Variants in TRIP12 observed in about 807,000 individuals in gnomAD.
TRIP12 encodes the protein E3 ubiquitin-protein ligase TRIP12.
TRIP12 carries 25 observed loss-of-function variants against 244.2 expected under a neutral mutation model. The observed-to-expected ratio is 0.10, with a 90% confidence interval of 0.07 to 0.14. TRIP12 has a LOEUF of 0.14. TRIP12 is among the 10% of genes least tolerant of loss of function. The pLI is 1.00. For synonymous variants in TRIP12, 905 were observed against 873.1 expected (o/e 1.04, Z -0.64); for missense variants, 1,677 against 2,486.4 (o/e 0.67, Z 6.92).
At position 229,792,232 on chromosome 2, in the gene TRIP12, G is replaced by A. The variant is rs759455333; in HGVS notation, c.4142-6C>T. ...TTCTCTTACTCTTCCATACCCTGAA[G>A]ACCCAAGTAGACTTTTAAACTCTTA... is the stretch of plus-strand genomic sequence containing the variant. On this transcript the variant is annotated splice_polypyrimidine_tract_variant and splice_region_variant and intron_variant, in intron 27 of 41. Coordinates refer to ENST00000675903, the MANE Select transcript of TRIP12 (RefSeq NM_001348323.3). 6 of 1,612,072 alleles carry A rather than the reference G, an allele frequency of 3.7e-6. No individual in the cohort carries two copies. In the South Asian group the frequency reaches 6.6e-5, roughly 18 times the overall value.
chr2:229,849,935 C>CAA (rs34774134), intron 4 of TRIP12, among the ~76,000 whole-genome samples: 28,223 of 143,642 alleles, frequency 0.2, 2,931 homozygotes, highest in East Asian at 0.28. Flanking sequence ...TAATACACAC[C>CAA]AAAAAAAAAA....
intron 21 of TRIP12, among the ~76,000 whole-genome samples, chr2:229,800,383 CA>C (rs2043967099): frequency 6.6e-6 from 1 of 151,668 alleles, no homozygotes; most frequent in Admixed American, 6.6e-5. Flanking sequence ...TTTAGAATAA[CA>C]AAACTAAATA....
chr2:229,905,194 A>C (rs1259983067), intron 1 of TRIP12, among the ~76,000 whole-genome samples: 3 of 152,048 alleles, frequency 2.0e-5, no homozygotes, highest in Admixed American at 6.6e-5. Context: ...GAATCGCCTG[A>C]ACCTGGGAGG....
intron 16 of TRIP12, 108 bp from the exon 17 acceptor site, chr2:229,807,972 A>T (rs1575306227): frequency 8.5e-5 from 88 of 1,030,966 alleles, no homozygotes; most frequent in East Asian, 2.0e-4. Flanking sequence ...ATTTAGACCA[A>T]TTTTTTTTTT....
In TRIP12 at chr2:229,770,216, A is replaced by C. The variant is rs77353562; in HGVS notation, c.5809-891T>G. On this transcript the variant is annotated intron_variant, in intron 39 of 41. Coordinates refer to ENST00000675903, the MANE Select transcript of TRIP12 (RefSeq NM_001348323.3). Reference sequence around the variant, plus strand: ...ATTTCCGAGCTCAAGTGATCTTCCCACCTCCATCTCCCAAAGTGCTGGGAT... The same window carrying C: ...ATTTCCGAGCTCAAGTGATCTTCCCCCCTCCATCTCCCAAAGTGCTGGGAT... 6.5e-3 allele frequency among the ~76,000 whole-genome samples: 989 copies of C among 152,062 alleles called. 10 individuals are homozygous for C. Among genetic ancestry groups the C allele is most frequent in the Middle Eastern group, 0.017 (5 of 294 alleles).
At chr2:229,915,823 A>G (rs1479963910) in intron 1 of TRIP12, among the ~76,000 whole-genome samples, 1 of 152,022 alleles carries the variant, frequency 6.6e-6, no homozygotes, top group Non-Finnish European at 1.5e-5. Context: ...CCTCCCAGGT[A>G]GCTGAAGACT....
intron 2 of TRIP12, among the ~76,000 whole-genome samples, chr2:229,877,817 G>A (rs2063909239): frequency 6.6e-6 from 1 of 152,146 alleles, no homozygotes; most frequent in African/African-American, 2.4e-5. Flanking sequence ...AACAGCACAC[G>A]TTATAAGTGT....
rs1559544535 is a variant in TRIP12 at position 229,808,333 on chromosome 2, G to GCAC, written c.2255_2257dup (p.Gly752dup). 1.2e-6 allele frequency: 2 copies of GCAC among 1,613,454 alleles called. No individual in the cohort carries two copies. Among genetic ancestry groups the GCAC allele is most frequent in the Admixed American group, 3.3e-5 (2 of 60,000 alleles). Reference sequence around the variant, plus strand: ...CTGTTCCTGACAACTTCCATTGGAGGCACCACACAGGAGAAAGTGAAGCGT... The same window carrying GCAC: ...CTGTTCCTGACAACTTCCATTGGAGGCACCACCACACAGGAGAAAGTGAAGCGT... On this transcript the variant is annotated inframe_insertion, in exon 16 of 42. Transcript: ENST00000675903.
At chr2:229,896,132 G>C (rs2068751285) in intron 1 of TRIP12, among the ~76,000 whole-genome samples, 1 of 152,058 alleles carries the variant, frequency 6.6e-6, no homozygotes, top group Admixed American at 6.5e-5. Context: ...CACCTTTACA[G>C]CTAAATGTAA....
intron 1 of TRIP12, among the ~76,000 whole-genome samples, chr2:229,899,000 C>T (rs1249680264): frequency 1.3e-5 from 2 of 152,186 alleles, no homozygotes; most frequent in African/African-American, 2.4e-5. Context: ...GCTGAATACA[C>T]TAAAAGTCAT....
chr2:229,807,956 A>T (rs991244621), intron 16 of TRIP12, 92 bp from the exon 17 acceptor site: 1 of 1,370,640 alleles, frequency 7.3e-7, no homozygotes, highest in African/African-American at 1.5e-5. Context: ...ACAAACCAAA[A>T]GTTGTATTTA....
At chr2:229,792,507 T>C (rs562372430) in intron 27 of TRIP12, among the ~76,000 whole-genome samples, 1 of 152,338 alleles carries the variant, frequency 6.6e-6, no homozygotes, top group East Asian at 1.9e-4. Flanking sequence ...TATACAGTAT[T>C]TTCAATAATT....
In TRIP12 at chr2:229,893,493, AT is replaced by A. The variant is rs11420266; in HGVS notation, c.-49-13366del. 6.8e-4 allele frequency among the ~76,000 whole-genome samples: 101 copies of A among 148,516 alleles called. 1 individual carries two copies. Among genetic ancestry groups the A allele is most frequent in the South Asian group, 8.5e-4 (4 of 4,686 alleles). Reference sequence around the variant, plus strand: ...TCCCAACTCTGCAACTACTGTTCTAATTTTTTTTTTTTTACCATTGTCTTGC... The same window carrying A: ...TCCCAACTCTGCAACTACTGTTCTAATTTTTTTTTTTTACCATTGTCTTGC... On this transcript the variant is annotated intron_variant, in intron 1 of 41. Coordinates refer to ENST00000675903, the MANE Select transcript of TRIP12 (RefSeq NM_001348323.3).
intron 1 of TRIP12, among the ~76,000 whole-genome samples, chr2:229,909,396 A>C (rs1201927817): frequency 6.6e-6 from 1 of 151,672 alleles, no homozygotes; most frequent in Non-Finnish European, 1.5e-5. Context: ...CACAAAAAAA[A>C]AAAATTAAAA....
intron 1 of TRIP12, among the ~76,000 whole-genome samples, chr2:229,903,022 T>TTC (rs2071518422): frequency 6.7e-6 from 1 of 148,568 alleles, no homozygotes; most frequent in African/African-American, 2.5e-5. Context: ...TTTTTTCTTT[T>TTC]TTTTTTTTTT....
intron 4 of TRIP12, among the ~76,000 whole-genome samples, chr2:229,841,598 A>C (rs1157737525): frequency 1.3e-5 from 2 of 152,218 alleles, no homozygotes; most frequent in Non-Finnish European, 2.9e-5. Context: ...CCAAGACAGC[A>C]TCCACCCTTG....
chr2:229,922,512 A>C (rs1231604187), upstream of TRIP12: 1 of 1,613,934 alleles, frequency 6.2e-7, no homozygotes, highest in Admixed American at 1.7e-5. Context: ...TGGCGTCCCA[A>C]GATGGCGTCG....
intron 1 of TRIP12, among the ~76,000 whole-genome samples, chr2:229,918,412 CT>C (rs1264697685): frequency 1.3e-5 from 2 of 152,194 alleles, no homozygotes; most frequent in Non-Finnish European, 2.9e-5. Context: ...TACCCATCCA[CT>C]TAAAAGGGGG....
At position 229,898,492 on chromosome 2, in the gene TRIP12, G is replaced by A. The variant is rs575155918; in HGVS notation, c.-49-18364C>T. Reference sequence around the variant, plus strand: ...AAAGGAAATTCATCTATGCTCAAGCGTCTAAGGATTAGAATTAGAACTCCA... The same window carrying A: ...AAAGGAAATTCATCTATGCTCAAGCATCTAAGGATTAGAATTAGAACTCCA... On this transcript the variant is annotated intron_variant, in intron 1 of 41. Coordinates refer to ENST00000675903, the MANE Select transcript of TRIP12 (RefSeq NM_001348323.3). Among the ~76,000 whole-genome samples the A allele has an allele frequency of 1.7e-4, 26 of 152,262 alleles. 1 individual carries two copies. In the South Asian group the frequency reaches 5.2e-3, roughly 30 times the overall value.
Sources: allele counts gnomAD v4.1 joint callset (sites outside exome capture counted in the v4.1 genomes callset), GRCh38; gene constraint gnomAD v4.1.1; transcripts MANE v1.5; gene names NCBI Gene and HGNC (gene_info 2026-07-23, HGNC 2026-07-21).